STEAP1B: variants seen among roughly 807,000 people sequenced by gnomAD.
STEAP1B encodes the protein STEAP family protein MGC87042.
A neutral mutation model predicts 27.9 loss-of-function variants in STEAP1B; 13 were observed. The ratio of observed to expected loss-of-function variants is 0.47; its 90% CI spans 0.30 to 0.74. STEAP1B has a LOEUF of 0.74. Among genes scored for constraint, STEAP1B ranks in the 30% least tolerant of loss-of-function variants. STEAP1B has a pLI of 0.06. For synonymous variants in STEAP1B, 86 were observed against 107.1 expected (o/e 0.80, Z 1.22); for missense variants, 250 against 298.7 (o/e 0.84, Z 1.20).
intron 4 of STEAP1B, among the ~76,000 whole-genome samples, chr7:22,442,924 A>G (rs1055036917): frequency 1.3e-5 from 2 of 152,136 alleles, no homozygotes; most frequent in African/African-American, 4.8e-5. Context: ...AGCAACAACC[A>G]TTGTCACACC....
At chr7:22,481,751 G>T (rs1291279354) in intron 4 of STEAP1B, among the ~76,000 whole-genome samples, 1 of 152,238 alleles carries the variant, frequency 6.6e-6, no homozygotes, top group African/African-American at 2.4e-5. Flanking sequence ...CTATGCCATT[G>T]CAGGTGCTCC....
intron 4 of STEAP1B, among the ~76,000 whole-genome samples, chr7:22,432,748 G>A (rs1785204731): frequency 6.6e-6 from 1 of 152,100 alleles, no homozygotes; most frequent in Non-Finnish European, 1.5e-5. Context: ...TACAATACCT[G>A]AATGAAAATT....
rs999682520 is a variant in STEAP1B at position 22,428,765 on chromosome 7, C to G, written c.763-8929G>C. Among the ~76,000 whole-genome samples, 10 of 151,938 alleles carry G rather than the reference C, an allele frequency of 6.6e-5. No homozygotes were observed. The South Asian group carries it at 2.1e-3, about 32-fold the overall frequency. ...TTGCAGTGAGCCACGGCACTCCAGC[C>G]TGGTGACAGAGCGAGAGTCCGTCTC... On this transcript the variant is annotated intron_variant, in intron 4 of 4. Transcript: ENST00000678116.
intron 4 of STEAP1B, among the ~76,000 whole-genome samples, chr7:22,483,384 G>A (rs180688576): frequency 6.6e-6 from 1 of 152,332 alleles, no homozygotes; most frequent in East Asian, 1.9e-4. Flanking sequence ...AGGAAACGTG[G>A]AAGTTGCCTA....
At chr7:22,438,621 A>C in intron 4 of STEAP1B, 2 of 1,552,192 alleles carry the variant, frequency 1.3e-6, no homozygotes, top group Non-Finnish European at 1.7e-6. Context: ...TATAACTCCT[A>C]GTCTTGGAAG....
At chr7:22,486,611 C>T (rs576038018) in intron 4 of STEAP1B, among the ~76,000 whole-genome samples, 1 of 152,046 alleles carries the variant, frequency 6.6e-6, no homozygotes, top group Non-Finnish European at 1.5e-5. Context: ...TCAGAAAAGC[C>T]CCTCTGGTCC....
intron 4 of STEAP1B, among the ~76,000 whole-genome samples, chr7:22,430,366 G>C (rs557016938): frequency 6.6e-6 from 1 of 152,274 alleles, no homozygotes; most frequent in African/African-American, 2.4e-5. Context: ...GGAACTAATA[G>C]AACAACTATT....
At chr7:22,448,062 T>C (rs1785433555) in intron 4 of STEAP1B, among the ~76,000 whole-genome samples, 1 of 152,230 alleles carries the variant, frequency 6.6e-6, no homozygotes, top group African/African-American at 2.4e-5. Flanking sequence ...GCTTATTCAT[T>C]CATCTAGTCA....
intron 4 of STEAP1B, among the ~76,000 whole-genome samples, chr7:22,481,171 G>A (rs939305673): frequency 1.3e-5 from 2 of 152,300 alleles, no homozygotes; most frequent in South Asian, 2.1e-4. Context: ...TGATGTGACC[G>A]CCGCTATGGG....
chr7:22,486,561 T>A (rs1403072364), intron 4 of STEAP1B, among the ~76,000 whole-genome samples: 2 of 151,998 alleles, frequency 1.3e-5, no homozygotes, highest in African/African-American at 4.8e-5. Context: ...TTTTCTGCAG[T>A]CTACAGCTTG....
intron 4 of STEAP1B, among the ~76,000 whole-genome samples, chr7:22,461,093 G>T (rs1005326635): frequency 1.3e-5 from 2 of 152,054 alleles, no homozygotes; most frequent in Admixed American, 1.3e-4. Context: ...GTGTTGGATT[G>T]CTCATACCAT....
chr7:22,485,149 C>T (rs1352338736), intron 4 of STEAP1B, among the ~76,000 whole-genome samples: 3 of 152,206 alleles, frequency 2.0e-5, no homozygotes, highest in Non-Finnish European at 4.4e-5. Flanking sequence ...GGATTGATTC[C>T]AATTCTTAAA....
chr7:22,488,516 T>C (rs1288159047), intron 4 of STEAP1B, among the ~76,000 whole-genome samples: 1 of 152,190 alleles, frequency 6.6e-6, no homozygotes, highest in African/African-American at 2.4e-5. Context: ...TCCTCACCCA[T>C]GCTGTGTTGC....
chr7:22,497,104 T>A (rs567212362), intron 1 of STEAP1B, among the ~76,000 whole-genome samples: 9 of 152,314 alleles, frequency 5.9e-5, no homozygotes, highest in African/African-American at 2.2e-4. Context: ...ACTCATTCCC[T>A]CGTCACAGAA....
At chr7:22,434,515 T>C (rs1291855455) in intron 4 of STEAP1B, among the ~76,000 whole-genome samples, 1 of 135,874 alleles carries the variant, frequency 7.4e-6, no homozygotes, top group African/African-American at 2.5e-5. Context: ...TTAAGACTAG[T>C]AAGAATAGGT....
chr7:22,467,297 T>C (rs1785801941), intron 4 of STEAP1B, among the ~76,000 whole-genome samples: 1 of 152,148 alleles, frequency 6.6e-6, no homozygotes, highest in Non-Finnish European at 1.5e-5. Flanking sequence ...TAAATCTGCT[T>C]AAAAGCCTGC....
intron 4 of STEAP1B, among the ~76,000 whole-genome samples, chr7:22,430,489 T>A (rs1195175997): frequency 6.6e-6 from 1 of 152,252 alleles, no homozygotes; most frequent in Non-Finnish European, 1.5e-5. Flanking sequence ...ATATCTTGTA[T>A]CATTGGACCT....
intron 4 of STEAP1B, among the ~76,000 whole-genome samples, chr7:22,440,084 C>G (rs1313013483): frequency 2.6e-5 from 4 of 152,026 alleles, no homozygotes; most frequent in African/African-American, 9.7e-5. Flanking sequence ...ATAAATTATT[C>G]AATAAATGGA....
chr7:22,468,694 T>C (rs1291696658), intron 4 of STEAP1B, among the ~76,000 whole-genome samples: 1 of 152,182 alleles, frequency 6.6e-6, no homozygotes. Flanking sequence ...CTGAGAGGAA[T>C]AAATACAGTC....
Sources: allele counts gnomAD v4.1 joint callset (sites outside exome capture counted in the v4.1 genomes callset), GRCh38; gene constraint gnomAD v4.1.1; transcripts MANE v1.5; gene names NCBI Gene and HGNC (gene_info 2026-07-23, HGNC 2026-07-21).